MMP26: variants seen among roughly 807,000 people sequenced by gnomAD.
The protein encoded by MMP26 is matrix metallopeptidase 26.
A neutral mutation model predicts 31.0 loss-of-function variants in MMP26; 33 were observed. That is an observed-to-expected ratio of 1.06 (90% CI 0.81 to 1.42). The LOEUF is 1.42. Ranked by LOEUF, MMP26 falls within the 40% of genes most tolerant of loss-of-function variation. The probability of loss-of-function intolerance (pLI) is 0.00; values close to 1 mark genes in which losing one functional copy is unlikely to be tolerated. For synonymous variants in MMP26, 122 were observed against 114.9 expected, an observed-to-expected ratio of 1.06 and a Z score of -0.40; for missense variants, 347 against 316.1, an observed-to-expected ratio of 1.10 and a Z score of -0.74.
intron 2 of MMP26, among the ~76,000 whole-genome samples, chr11:4,808,933 C>T (rs534893298): frequency 3.3e-4 from 50 of 150,902 alleles, no homozygotes; most frequent in African/African-American, 1.2e-3. Flanking sequence ...CCTTTTCTCA[C>T]AGACTTATGA....
chr11:4,930,410 T>A (rs1322358911), intron 2 of MMP26, among the ~76,000 whole-genome samples: 2 of 152,036 alleles, frequency 1.3e-5, no homozygotes, highest in Non-Finnish European at 2.9e-5. Flanking sequence ...AAGAACAAAG[T>A]AATAGTGTCA....
chr11:4,752,753 A>G (rs73393040), intron 1 of MMP26: 6,924 of 152,526 alleles, frequency 0.045, 481 homozygotes, highest in African/African-American at 0.16. Context: ...CCAGTGTAGA[A>G]ATACGTAAGC....
In MMP26 at chr11:4,849,294, T is replaced by C. The variant is rs1013023599; in HGVS notation, c.-145+81953T>C. 6.8e-5 allele frequency: 97 copies of C among 1,433,502 alleles called. 1 individual carries two copies. The Middle Eastern group carries it at 1.3e-3, about 19-fold the overall frequency. The allele number at this position is 1,433,502 out of a possible 1,614,324, so 88.8% of individuals were successfully genotyped here. A position where few individuals can be genotyped will look rare whatever the true frequency, so the allele number is the denominator to read the frequency against. On this transcript the variant is annotated intron_variant, in intron 2 of 7. Transcript: ENST00000380390. The stretch of plus-strand genomic sequence containing the variant: ...CGCGTGCCAAATTTGCATGAAACGT[T>C]CCAAAATAGCCTGCATCTTCCCTTC...
At chr11:4,953,260 A>T (rs1232498582) in intron 2 of MMP26, among the ~76,000 whole-genome samples, 1 of 125,540 alleles carries the variant, frequency 8.0e-6, no homozygotes, top group African/African-American at 2.7e-5. Flanking sequence ...TTCTACAAAC[A>T]TGGTCTTATT....
chr11:4,991,078 TTTCCCTTTTCCCC>T (rs1644257781), intron 5 of MMP26, among the ~76,000 whole-genome samples: 1 of 152,240 alleles, frequency 6.6e-6, no homozygotes, highest in African/African-American at 2.4e-5. Context: ...TTAAATTCTC[TTTCCCTTTTCCCC>T]TACCATTTTG....
intron 2 of MMP26, among the ~76,000 whole-genome samples, chr11:4,953,450 T>G (rs1824042): frequency 0.36 from 44,026 of 121,458 alleles, 15,332 homozygotes; most frequent in South Asian, 0.56. Context: ...TTGCAAATAT[T>G]AAGTATAATA....
intron 1 of MMP26, among the ~76,000 whole-genome samples, chr11:4,731,086 A>G (rs1848167690): frequency 6.6e-6 from 1 of 152,096 alleles, no homozygotes; most frequent in African/African-American, 2.4e-5. Flanking sequence ...CTGGGATTAC[A>G]GGCGTGCACC....
At chr11:4,866,097 A>G (rs1315817616) in intron 2 of MMP26, among the ~76,000 whole-genome samples, 1 of 152,154 alleles carries the variant, frequency 6.6e-6, no homozygotes, top group Non-Finnish European at 1.5e-5. Flanking sequence ...CAATATTGGC[A>G]TACCACCAAG....
At chr11:4,860,125 CCA>C (rs1850127251) in intron 2 of MMP26, 1 of 470,940 alleles carries the variant, frequency 2.1e-6, no homozygotes, top group Admixed American at 2.4e-5. Context: ...GACAGCTATT[CCA>C]GTCTTTCGAA....
At chr11:4,917,943 C>T (rs1184269086) in intron 2 of MMP26, among the ~76,000 whole-genome samples, 2 of 148,402 alleles carry the variant, frequency 1.3e-5, no homozygotes, top group South Asian at 2.2e-4. Flanking sequence ...ATTTTAATGT[C>T]AAAATAAACC....
At chr11:4,819,640 A>T (rs1459962780) in intron 2 of MMP26, among the ~76,000 whole-genome samples, 1 of 127,958 alleles carries the variant, frequency 7.8e-6, no homozygotes, top group Non-Finnish European at 1.5e-5. Context: ...GTACAGTGAC[A>T]CATTCATGAC....
At chr11:4,890,250 A>T (rs1282194997) in intron 2 of MMP26, 2 of 153,504 alleles carry the variant, frequency 1.3e-5, no homozygotes, top group Admixed American at 1.3e-4. Context: ...GACGAGAAGC[A>T]CTGAGGACTC....
chr11:4,708,381 G>T (rs900236839), intron 1 of MMP26, among the ~76,000 whole-genome samples: 2 of 152,240 alleles, frequency 1.3e-5, no homozygotes, highest in African/African-American at 4.8e-5. Flanking sequence ...CCTGTAACCA[G>T]TTATTCTTAC....
At chr11:4,709,478 A>G in intron 1 of MMP26, 1 of 357,162 alleles carries the variant, frequency 2.8e-6, no homozygotes, top group Admixed American at 3.7e-5. Flanking sequence ...CACAAATTGT[A>G]TGGTGTATAG....
chr11:4,939,689 A>C (rs1846181517), intron 2 of MMP26, among the ~76,000 whole-genome samples: 1 of 152,084 alleles, frequency 6.6e-6, no homozygotes, highest in South Asian at 2.1e-4. Context: ...TATGGGGTCT[A>C]TTGGCTGCTT....
chr11:4,720,447 T>C (rs1296729772), intron 1 of MMP26, among the ~76,000 whole-genome samples: 3 of 152,178 alleles, frequency 2.0e-5, no homozygotes, highest in Admixed American at 6.5e-5. Context: ...GAAGTGGATA[T>C]GCTATTCGGG....
intron 2 of MMP26, among the ~76,000 whole-genome samples, chr11:4,902,253 C>G (rs1850814078): frequency 6.6e-6 from 1 of 151,258 alleles, no homozygotes. Flanking sequence ...AACATTTCAT[C>G]TGCAACCAGT....
chr11:4,790,218 A>G (rs1589901375), intron 2 of MMP26, among the ~76,000 whole-genome samples: 1 of 151,964 alleles, frequency 6.6e-6, no homozygotes. Flanking sequence ...GCACGTGCCT[A>G]TAATCCCAGC....
rs994980788 is a variant in MMP26, at chr11:4,805,171, A to G, written c.-145+37830A>G. On this transcript the variant is annotated intron_variant, in intron 2 of 7. Coordinates refer to ENST00000380390, the MANE Select transcript of MMP26 (RefSeq NM_021801.5). ...ATTTCTCAGAGTAGGAAGTCAGTAG[A>G]GTTTGCAAGCCTATAGCAATTTATG... is the stretch of plus-strand genomic sequence containing the variant. Among the ~76,000 whole-genome samples the G allele has an allele frequency of 5.3e-5, 8 of 152,314 alleles. No homozygotes were observed. The East Asian group carries it at 1.5e-3, about 29-fold the overall frequency.
Sources: allele counts gnomAD v4.1 joint callset (sites outside exome capture counted in the v4.1 genomes callset), GRCh38; gene constraint gnomAD v4.1.1; transcripts MANE v1.5; gene names NCBI Gene and HGNC (gene_info 2026-07-23, HGNC 2026-07-21).